The following RBM10 variants were observed in gnomAD, a reference collection of about 807,000 sequenced individuals.
RBM10 encodes RNA-binding protein 10.
RBM10 carries 1 observed loss-of-function variant against 84.9 expected under a neutral mutation model. The observed-to-expected ratio is 0.01, with a 90% confidence interval of 0.00 to 0.06. RBM10 has a LOEUF of 0.06. Among genes scored for constraint, RBM10 ranks in the 10% least tolerant of loss-of-function variants. The pLI is 1.00. For missense variants in RBM10, 438 were observed against 839.0 expected (o/e 0.52, Z 5.90); for synonymous variants, 326 against 344.5 (o/e 0.95, Z 0.60).
At chrX:47,171,373 C>G (rs1934659112) in intron 4 of RBM10, 115 bp downstream of exon 4, 1 of 1,054,092 alleles carries the variant, frequency 9.5e-7, no homozygotes, top group South Asian at 2.2e-5. Flanking sequence ...CCCTTCTCCC[C>G]CTCCAGCTCC....
intron 4 of RBM10, among the ~76,000 whole-genome samples, chrX:47,171,745 A>ACAGCCTC (rs1348071396): frequency 8.9e-6 from 1 of 112,029 alleles, no homozygotes; most frequent in African/African-American, 3.2e-5. Flanking sequence ...GTGGCTGCTA[A>ACAGCCTC]CAGCCTCCAC....
At chrX:47,160,586 G>GT (rs1933595694) in intron 2 of RBM10, among the ~76,000 whole-genome samples, 2 of 101,713 alleles carry the variant, frequency 2.0e-5, no homozygotes, top group South Asian at 8.8e-4. Context: ...TTATTAAAAA[G>GT]TAAAAAAAAA....
At chrX:47,156,036 C>T (rs1262091001) in intron 2 of RBM10, among the ~76,000 whole-genome samples, 12 of 109,444 alleles carry the variant, frequency 1.1e-4, no homozygotes, top group South Asian at 3.9e-4. Context: ...CTCAAACTCC[C>T]GACCTCAGGT....
chrX:47,176,414 G>A, intron 6 of RBM10, 86 bp from the exon 7 acceptor site: 1 of 1,189,984 alleles, frequency 8.4e-7, no homozygotes, highest in Non-Finnish European at 1.1e-6. Flanking sequence ...TCCAGCTGAA[G>A]GGCTCGCTCA....
intron 7 of RBM10, 99 bp downstream of exon 7, chrX:47,176,685 C>G: frequency 8.7e-7 from 1 of 1,152,626 alleles, no homozygotes; most frequent in South Asian, 1.9e-5. Context: ...CTCCATCTCT[C>G]CCCCTCCCCC....
At chrX:47,157,348 G>A (rs1462649803) in intron 2 of RBM10, 1 of 324,610 alleles carries the variant, frequency 3.1e-6, no homozygotes, top group South Asian at 3.1e-5. Flanking sequence ...CAGGGTGGCT[G>A]TATGCCATTC....
chrX:47,151,063 CTT>C (rs58916543), intron 2 of RBM10, among the ~76,000 whole-genome samples: 35 of 98,847 alleles, frequency 3.5e-4, no homozygotes, highest in Admixed American at 5.7e-4. Flanking sequence ...CTTTCATTAT[CTT>C]TTTTTTTTTT....
intron 2 of RBM10, among the ~76,000 whole-genome samples, chrX:47,150,183 G>A (rs1459367336): frequency 9.2e-6 from 1 of 109,278 alleles, no homozygotes; most frequent in Non-Finnish European, 1.9e-5. Context: ...TTGTTTGTTT[G>A]TTTTGAGATG....
rs1556778411 is a variant in RBM10 at position 47,180,265 on chromosome X, C to T, written c.1116C>T (p.Ile372=). The T allele has an allele frequency of 1.7e-6, 2 of 1,204,906 alleles. No individual in the cohort carries two copies. The highest frequency in any genetic ancestry group is 2.2e-6 in the Non-Finnish European group (2 of 891,811). Residue 372 remains isoleucine, a synonymous_variant, in exon 11 of 24, where the codon ATC becomes ATT. Coordinates refer to ENST00000377604, the MANE Select transcript of RBM10 (RefSeq NM_005676.5). ...ILQALHPPLT[I]DGKTINVEFA... ...AGGCCCTGCACCCACCACTCACTAT[C>T]GACGGCAAGACCATCAATGTTGAGT...
intron 5 of RBM10, 125 bp downstream of exon 5, chrX:47,173,322 G>T (rs185567880): frequency 8.6e-7 from 1 of 1,156,420 alleles, no homozygotes; most frequent in Non-Finnish European, 1.2e-6. Context: ...AATGGGCAGC[G>T]TGGGGGGTGC....
At chrX:47,168,479 T>C (rs1239264492) in intron 2 of RBM10, among the ~76,000 whole-genome samples, 1 of 110,577 alleles carries the variant, frequency 9.0e-6, no homozygotes, top group Non-Finnish European at 1.9e-5. Context: ...GCTTGGGAGG[T>C]TGAGGCTGCA....
intron 2 of RBM10, among the ~76,000 whole-genome samples, chrX:47,152,814 CACG>C (rs1465425734): frequency 3.9e-5 from 4 of 103,625 alleles, no homozygotes; most frequent in African/African-American, 7.5e-5. Flanking sequence ...CACACACACA[CACG>C]TTTTTTTTAA....
At position 47,145,412 on chromosome X, in the gene RBM10, G is replaced by A. The variant is rs1556761594; in HGVS notation, c.-199G>A. 8.7e-7 allele frequency: 1 copy of A among 1,147,625 alleles called. No individual in the cohort carries two copies. Among genetic ancestry groups the A allele is most frequent in the Admixed American group, 2.6e-5 (1 of 38,774 alleles). 94.6% of individuals were successfully genotyped at this position (1,147,625 alleles called of 1,213,427 possible). Reference sequence around the variant, plus strand: ...TGCGCGCTCCGGCTCCGGCTGAGCTGGGAGAGTTGGAGGAGGTGGCGGCGG... The same window carrying A: ...TGCGCGCTCCGGCTCCGGCTGAGCTAGGAGAGTTGGAGGAGGTGGCGGCGG... On this transcript the variant is annotated 5_prime_UTR_variant, in exon 1 of 24. Transcript: ENST00000377604.
chrX:47,169,663 AGGGCTCCTCTCCCAACCTGG>A (rs1934496353), intron 3 of RBM10, among the ~76,000 whole-genome samples, 165 bp downstream of exon 3: 1 of 111,407 alleles, frequency 9.0e-6, no homozygotes. Context: ...CCCCTCTCTG[AGGGCTCCTCTCCCAACCTGG>A]GTCTCCCTGG....
intron 2 of RBM10, among the ~76,000 whole-genome samples, chrX:47,149,022 T>C (rs1556762827): frequency 9.0e-6 from 1 of 110,614 alleles, no homozygotes; most frequent in Non-Finnish European, 1.9e-5. Flanking sequence ...ACATGTATCA[T>C]ATAAATACAT....
At chrX:47,171,319 C>T (rs1435440989) in intron 4 of RBM10, 61 bp downstream of exon 4, 2 of 1,184,619 alleles carry the variant, frequency 1.7e-6, no homozygotes, top group Non-Finnish European at 2.3e-6. Context: ...GGGCCCTCAA[C>T]TTCTCCCCAC....
At chrX:47,174,187 C>T (rs782400037) in intron 5 of RBM10, among the ~76,000 whole-genome samples, 2 of 109,272 alleles carry the variant, frequency 1.8e-5, no homozygotes, top group Admixed American at 9.7e-5. Context: ...ACACCACACA[C>T]GGACAGCTTC....
intron 18 of RBM10, 40 bp from the exon 19 acceptor site, chrX:47,185,262 C>T (rs2147212674): frequency 8.3e-7 from 1 of 1,211,415 alleles, no homozygotes; most frequent in Non-Finnish European, 1.1e-6. Context: ...CCTTTGGGCC[C>T]TCTGTGGAGT....
intron 2 of RBM10, chrX:47,158,110 C>T (rs1434222225): frequency 2.8e-5 from 6 of 213,746 alleles, no homozygotes; most frequent in African/African-American, 1.5e-4. Flanking sequence ...ACTTCCTGCA[C>T]ACCTCCGCTA....
Sources: allele counts gnomAD v4.1 joint callset (sites outside exome capture counted in the v4.1 genomes callset), GRCh38; gene constraint gnomAD v4.1.1; transcripts MANE v1.5; gene names NCBI Gene and HGNC (gene_info 2026-07-23, HGNC 2026-07-21).